The following DGKE variants were observed in gnomAD, a reference collection of about 807,000 sequenced individuals.
DGKE encodes DAG kinase epsilon.
In DGKE, 53 loss-of-function variants were observed where a neutral mutation model predicts 70.0. That is an observed-to-expected ratio of 0.76 (90% CI 0.61 to 0.95). DGKE has a LOEUF of 0.95. Among genes scored for constraint, DGKE ranks in the 40% least tolerant of loss-of-function variants. The pLI is 0.00. For synonymous variants in DGKE, 291 were observed against 257.0 expected, an observed-to-expected ratio of 1.13 and a Z score of -1.27; for missense variants, 655 against 706.9, an observed-to-expected ratio of 0.93 and a Z score of 0.83.
chr17:56,840,365 TTTGTTGTTGTTGTTG>T lies in DGKE; in HGVS notation c.465-3642_465-3628del, dbSNP rs753507975. Among the ~76,000 whole-genome samples the T allele has an allele frequency of 5.1e-3, 773 of 151,730 alleles. 7 individuals carry two copies. Among genetic ancestry groups the T allele is most frequent in the Non-Finnish European group, 8.2e-3 (557 of 67,880 alleles). Reference sequence around the variant, plus strand: ...TGGGTAGATTAATGCAGTAGTTTGTTTTGTTGTTGTTGTTGTTGTTGTTGTTTTTTGAGACAGTCT... The same window carrying T: ...TGGGTAGATTAATGCAGTAGTTTGTTTTGTTGTTGTTTTTTGAGACAGTCT... On this transcript the variant is annotated intron_variant, in intron 2 of 11. Transcript: ENST00000284061.
Position 56,862,795 on chromosome 17 carries a change from G to C in DGKE, c.*4G>C. 6.5e-7 allele frequency: 1 copy of C among 1,535,804 alleles called. No individual in the cohort carries two copies. The highest frequency in any genetic ancestry group is 8.7e-7 in the Non-Finnish European group (1 of 1,150,564). The stretch of plus-strand genomic sequence containing the variant: ...AGATATAAAGGCGACTGAATAGATG[G>C]ATGAGGGAGTGAAAACTTTGCATAG... On this transcript the variant is annotated 3_prime_UTR_variant, in exon 12 of 12. Coordinates refer to ENST00000284061, the MANE Select transcript of DGKE (RefSeq NM_003647.3).
rs545120322 is a variant in DGKE, at chr17:56,865,365, C to A, written c.*2574C>A. The A allele has an allele frequency of 6.6e-6, 1 of 152,250 alleles. No homozygotes were observed. The highest frequency in any genetic ancestry group is 2.4e-5 in the African/African-American group (1 of 41,552). The allele number at this position is 152,250 out of a possible 1,614,324, so 9.4% of individuals were successfully genotyped here. On this transcript the variant is annotated 3_prime_UTR_variant, in exon 12 of 12. Coordinates refer to ENST00000284061, the MANE Select transcript of DGKE (RefSeq NM_003647.3). ...ATGTCTGTTTCCAGATTTCTCTAAT[C>A]TTTTTACTATCCCAATACATTCCTA... is the stretch of plus-strand genomic sequence containing the variant.
At chr17:56,861,943 T>C (rs371469196) in intron 10 of DGKE, 25 bp downstream of exon 10, 448 of 1,568,980 alleles carry the variant, frequency 2.9e-4, no homozygotes, top group Non-Finnish European at 3.7e-4. Flanking sequence ...GGTCTGTTTT[T>C]TTATGTCACT....
Position 56,849,198 on chromosome 17 carries a change from C to T in DGKE, c.1064C>T (p.Thr355Ile). Reference sequence around the variant, plus strand: ...TTTTTTAGATGGAAAGTTCAAGTAACAAATAAAGGATACTACAACTTAAGA... The same window carrying T: ...TTTTTTAGATGGAAAGTTCAAGTAATAAATAAAGGATACTACAACTTAAGA... Reference protein sequence around the residue: ...IKLDRWKVQVTNKGYYNLRKP... With the variant: ...IKLDRWKVQVINKGYYNLRKP... Residue 355 changes from threonine to isoleucine, a missense_variant, in exon 7 of 12, where the codon ACA becomes ATA. Thr to Ile is a moderately conservative substitution (Grantham distance 89). Transcript: ENST00000284061. 6.2e-7 allele frequency: 1 copy of T among 1,609,842 alleles called. No individual in the cohort carries two copies. The highest frequency in any genetic ancestry group is 8.5e-7 in the Non-Finnish European group (1 of 1,178,826).
In DGKE at chr17:56,868,522, C is replaced by T. The variant is rs928894024; in HGVS notation, c.*5731C>T. ...CTCTTGCACTTTCCCCTGCCCACCA[C>T]TTGTAACTACCACTTAATTATCTTG... On this transcript the variant is annotated 3_prime_UTR_variant, in exon 12 of 12. Coordinates refer to ENST00000284061, the MANE Select transcript of DGKE (RefSeq NM_003647.3). 6.6e-6 allele frequency: 1 copy of T among 152,262 alleles called. No homozygotes were observed. The highest frequency in any genetic ancestry group is 2.4e-5 in the African/African-American group (1 of 41,458). The allele number at this position is 152,262 out of a possible 1,614,324, so 9.4% of individuals were successfully genotyped here. A position where few individuals can be genotyped will look rare whatever the true frequency, so the allele number is the denominator to read the frequency against.
chr17:56,850,707 C>A (rs1907596360), intron 7 of DGKE, among the ~76,000 whole-genome samples: 1 of 152,066 alleles, frequency 6.6e-6, no homozygotes, highest in African/African-American at 2.4e-5. Context: ...AGGCACAAAA[C>A]CTTAAGGAGA....
chr17:56,855,589 C>T (rs192591058), intron 7 of DGKE, among the ~76,000 whole-genome samples: 2 of 152,228 alleles, frequency 1.3e-5, no homozygotes, highest in East Asian at 3.9e-4. Flanking sequence ...GTCCTATTAG[C>T]GATTGTGTCC....
chr17:56,862,052 T>TGGAC, intron 10 of DGKE, 88 bp from the exon 11 acceptor site: 1 of 1,527,352 alleles, frequency 6.5e-7, no homozygotes, highest in Non-Finnish European at 8.9e-7. Context: ...TTTAAGTTGA[T>TGGAC]GGTCCAACTG....
At chr17:56,840,049 A>AATCCT (rs893157574) in intron 2 of DGKE, among the ~76,000 whole-genome samples, 6 of 152,074 alleles carry the variant, frequency 3.9e-5, no homozygotes, top group African/African-American at 7.2e-5. Context: ...CTGTAATCCC[A>AATCCT]GCTACTCGGG....
At position 56,865,091 on chromosome 17, in the gene DGKE, C is replaced by G. The variant is rs555978710; in HGVS notation, c.*2300C>G. 6.6e-6 allele frequency: 1 copy of G among 152,170 alleles called. No homozygotes were observed. The highest frequency in any genetic ancestry group is 2.1e-4 in the South Asian group (1 of 4,826). 9.4% of individuals were successfully genotyped at this position (152,170 alleles called of 1,614,324 possible). ...ATCTTGTTTTTGCAAAATTCACTTA[C>G]TTTTTGGGCACATTTACCCAGCATT... On this transcript the variant is annotated 3_prime_UTR_variant, in exon 12 of 12. Transcript: ENST00000284061.
intron 2 of DGKE, among the ~76,000 whole-genome samples, chr17:56,842,980 G>A (rs899508451): frequency 4.6e-5 from 7 of 152,092 alleles, no homozygotes; most frequent in African/African-American, 1.2e-4. Context: ...AATTATTTTC[G>A]TATTAACTGA....
At chr17:56,860,974 G>C (rs1908253080) in intron 9 of DGKE, among the ~76,000 whole-genome samples, 1 of 152,238 alleles carries the variant, frequency 6.6e-6, no homozygotes, top group South Asian at 2.1e-4. Context: ...GTGGTAATTA[G>C]AGGATGACAT....
At chr17:56,849,122 C>A in intron 6 of DGKE, 59 bp from the exon 7 acceptor site, 1 of 1,505,126 alleles carries the variant, frequency 6.6e-7, no homozygotes. Context: ...TTTATCCAAA[C>A]ATCCAGAGTA....
intron 7 of DGKE, among the ~76,000 whole-genome samples, chr17:56,849,694 G>A (rs558952837): frequency 2.6e-5 from 4 of 152,292 alleles, no homozygotes; most frequent in South Asian, 2.1e-4. Flanking sequence ...CTTGACAACT[G>A]ATTAGTATAA....
At chr17:56,842,566 C>T (rs75029742) in intron 2 of DGKE, among the ~76,000 whole-genome samples, 5 of 152,126 alleles carry the variant, frequency 3.3e-5, no homozygotes, top group South Asian at 2.1e-4. Context: ...TGTGATTATG[C>T]AAATTATTTC....
chr17:56,851,631 G>A (rs538995973), intron 7 of DGKE, among the ~76,000 whole-genome samples: 1 of 152,192 alleles, frequency 6.6e-6, no homozygotes, highest in East Asian at 1.9e-4. Flanking sequence ...AATATATACA[G>A]CCAAGGATTG....
In DGKE at chr17:56,849,184, G is replaced by A; in HGVS notation, c.1050G>A (p.Trp350Ter). The change falls in exon 7 of 12, where the codon TGG becomes TGA. Residue 350 changes from tryptophan (W) to a stop codon, truncating the protein, a stop_gained. Coordinates refer to ENST00000284061, the MANE Select transcript of DGKE (RefSeq NM_003647.3). LOFTEE classifies it high-confidence loss of function. ...TTTTTTAACTTCTGTTTTTTAGATG[G>A]AAAGTTCAAGTAACAAATAAAGGAT... is the stretch of plus-strand genomic sequence containing the variant. The part of the protein sequence containing the change: ...MEADGIKLDR[W>*]KVQVTNKGYY... The A allele has an allele frequency of 6.2e-7, 1 of 1,609,904 alleles. No individual in the cohort carries two copies. Among genetic ancestry groups the A allele is most frequent in the Non-Finnish European group, 8.5e-7 (1 of 1,178,678 alleles).
At chr17:56,834,747 G>C (rs1227579176) in intron 1 of DGKE, 31 bp from the exon 2 acceptor site, 3 of 1,528,220 alleles carry the variant, frequency 2.0e-6, no homozygotes, top group Non-Finnish European at 1.8e-6. Flanking sequence ...TGGCGAGCTC[G>C]GGGTGCACCG....
At chr17:56,842,681 A>G (rs537581545) in intron 2 of DGKE, among the ~76,000 whole-genome samples, 8 of 152,358 alleles carry the variant, frequency 5.3e-5, no homozygotes, top group African/African-American at 1.7e-4. Context: ...TCCAAAAGGA[A>G]AAAACAGCTT....
Sources: allele counts gnomAD v4.1 joint callset (sites outside exome capture counted in the v4.1 genomes callset), GRCh38; gene constraint gnomAD v4.1.1; transcripts MANE v1.5; gene names NCBI Gene and HGNC (gene_info 2026-07-23, HGNC 2026-07-21).